NCALD: variants seen among roughly 807,000 people sequenced by gnomAD.
NCALD encodes neurocalcin-delta.
NCALD carries 10 observed loss-of-function variants against 18.6 expected under a neutral mutation model. That is an observed-to-expected ratio of 0.54 (90% CI 0.33 to 0.91). NCALD has a LOEUF of 0.91. Among genes scored for constraint, NCALD ranks in the 40% least tolerant of loss-of-function variants. The pLI, the probability that NCALD is intolerant of heterozygous loss-of-function variation, is 0.03. For missense variants in NCALD, 184 were observed against 247.6 expected (o/e 0.74, Z 1.72); for synonymous variants, 88 against 87.4 (o/e 1.01, Z -0.04).
rs1821958432 is a variant in NCALD, at chr8:102,012,984, TACACTC to T, written c.-157+7247_-157+7252del. The stretch of plus-strand genomic sequence containing the variant: ...TCAGATATTTTTATATATACACACA[TACACTC>T]ACACACACACACAAATATATACCCT... On this transcript the variant is annotated intron_variant, in intron 2 of 6. Transcript: ENST00000311028. Among the ~76,000 whole-genome samples, 3 of 151,984 alleles carry T rather than the reference TACACTC, an allele frequency of 2.0e-5. No homozygotes were observed. In the South Asian group the frequency reaches 6.2e-4, roughly 32 times the overall value.
chr8:101,769,703 T>C lies in NCALD; in HGVS notation c.-20+21159A>G, dbSNP rs117539033. Among the ~76,000 whole-genome samples, 1,073 of 152,228 alleles carry C rather than the reference T, an allele frequency of 7.0e-3. 35 individuals are homozygous for C. The highest frequency in any genetic ancestry group is 0.05 in the Admixed American group (762 of 15,270). ...CAACGGCATCTTTCACCAGCTCAAC[T>C]GTATGAAGGTTAAAAACTCTTCCTA... is the stretch of plus-strand genomic sequence containing the variant. On this transcript the variant is annotated intron_variant, in intron 1 of 3. Coordinates refer to ENST00000220931, the MANE Select transcript of NCALD (RefSeq NM_032041.3).
intron 2 of NCALD, among the ~76,000 whole-genome samples, chr8:101,995,288 T>G (rs1421524730): frequency 6.6e-6 from 1 of 152,190 alleles, no homozygotes; most frequent in Non-Finnish European, 1.5e-5. Context: ...AAAACCTGTA[T>G]AAGCCATGAC....
intron 2 of NCALD, chr8:101,986,708 A>G (rs973571902): frequency 2.6e-5 from 4 of 152,268 alleles, no homozygotes; most frequent in Admixed American, 2.0e-4. Context: ...CCCAGAGCCC[A>G]ACTCAGTATC....
chr8:101,828,714 G>A (rs1814045269), intron 4 of NCALD, among the ~76,000 whole-genome samples: 1 of 151,904 alleles, frequency 6.6e-6, no homozygotes, highest in Non-Finnish European at 1.5e-5. Context: ...CAATCCTCCA[G>A]CCTCAGCCTC....
intron 4 of NCALD, among the ~76,000 whole-genome samples, chr8:101,850,415 T>C (rs1815045543): frequency 6.6e-6 from 1 of 152,188 alleles, no homozygotes; most frequent in African/African-American, 2.4e-5. Context: ...AACAAGTATG[T>C]GCAGAGCCTG....
intron 1 of NCALD, among the ~76,000 whole-genome samples, chr8:101,752,905 A>G (rs998391147): frequency 1.3e-5 from 2 of 151,230 alleles, no homozygotes; most frequent in African/African-American, 4.9e-5. Flanking sequence ...AAAGTCACCA[A>G]TGAAATATTT....
At chr8:101,703,648 T>G (rs1388992248) in intron 2 of NCALD, among the ~76,000 whole-genome samples, 1 of 152,138 alleles carries the variant, frequency 6.6e-6, no homozygotes, top group East Asian at 1.9e-4. Flanking sequence ...CTTAATGCCT[T>G]GAGAGGGTTT....
intron 2 of NCALD, among the ~76,000 whole-genome samples, chr8:101,990,504 G>C (rs1477829075): frequency 3.3e-5 from 5 of 152,162 alleles, no homozygotes; most frequent in Non-Finnish European, 5.9e-5. Context: ...TGTTGTCGGG[G>C]GGACCCGGTA....
intron 1 of NCALD, among the ~76,000 whole-genome samples, chr8:101,759,629 G>A (rs1811030645): frequency 6.6e-6 from 1 of 152,104 alleles, no homozygotes; most frequent in African/African-American, 2.4e-5. Context: ...ACACAATAAG[G>A]AGTCCTGGGG....
intron 4 of NCALD, among the ~76,000 whole-genome samples, chr8:101,798,584 T>C (rs1296190899): frequency 2.0e-5 from 3 of 152,200 alleles, no homozygotes; most frequent in Non-Finnish European, 2.9e-5. Flanking sequence ...AACTAACCTC[T>C]AACTGATTTA....
intron 1 of NCALD, among the ~76,000 whole-genome samples, chr8:101,725,684 C>T (rs1451262468): frequency 1.3e-5 from 2 of 152,194 alleles, no homozygotes. Flanking sequence ...GGCCCCACAC[C>T]TTCTTGCCTG....
intron 1 of NCALD, among the ~76,000 whole-genome samples, chr8:102,050,369 T>A (rs1404970055): frequency 6.6e-6 from 1 of 151,400 alleles, no homozygotes; most frequent in African/African-American, 2.4e-5. Flanking sequence ...GTATTTATTT[T>A]GGAATATTTT....
At chr8:101,725,763 T>TC (rs1419346350) in intron 1 of NCALD, among the ~76,000 whole-genome samples, 1 of 152,178 alleles carries the variant, frequency 6.6e-6, no homozygotes, top group East Asian at 1.9e-4. Context: ...CTGTTGCAAG[T>TC]CCCACAGAGG....
chr8:101,700,392 G>A (rs1445009923), intron 2 of NCALD, among the ~76,000 whole-genome samples: 2 of 152,134 alleles, frequency 1.3e-5, no homozygotes, highest in African/African-American at 4.8e-5. Context: ...TTCTAGCACA[G>A]GACTTGGGAG....
chr8:101,992,383 T>A (rs1821080885), intron 2 of NCALD, among the ~76,000 whole-genome samples: 1 of 152,230 alleles, frequency 6.6e-6, no homozygotes, highest in Non-Finnish European at 1.5e-5. Flanking sequence ...AGGCTAAAAA[T>A]ATAAATGCTT....
intron 2 of NCALD, among the ~76,000 whole-genome samples, chr8:101,711,380 C>T (rs973123009): frequency 6.6e-6 from 1 of 151,942 alleles, no homozygotes; most frequent in Non-Finnish European, 1.5e-5. Context: ...GGATCACAAC[C>T]CCTCGCGGGC....
chr8:101,958,343 A>G (rs1819711358), intron 2 of NCALD, among the ~76,000 whole-genome samples: 1 of 151,976 alleles, frequency 6.6e-6, no homozygotes, highest in Non-Finnish European at 1.5e-5. Flanking sequence ...TGTTACCTTA[A>G]TCTCATAATG....
At chr8:101,913,970 C>G (rs935348063) in intron 3 of NCALD, among the ~76,000 whole-genome samples, 3 of 152,168 alleles carry the variant, frequency 2.0e-5, no homozygotes, top group Non-Finnish European at 4.4e-5. Context: ...CTTGTATACC[C>G]CATACCCAGT....
intron 2 of NCALD, among the ~76,000 whole-genome samples, chr8:102,016,794 A>C (rs1701828706): frequency 6.6e-6 from 1 of 152,234 alleles, no homozygotes; most frequent in Non-Finnish European, 1.5e-5. Flanking sequence ...TCCAACATGC[A>C]ATCAAAATTA....
Sources: gnomAD v4.1 joint callset for allele counts (sites outside exome capture counted in the v4.1 genomes callset) on GRCh38, gnomAD v4.1.1 for gene constraint, MANE v1.5 for transcripts, NCBI Gene and HGNC (gene_info 2026-07-23, HGNC 2026-07-21) for gene names.